The following SPATA13 variants were observed in gnomAD, a reference collection of about 807,000 sequenced individuals.
SPATA13 encodes spermatogenesis associated 13, also known as spermatogenesis-associated protein 13.
SPATA13 carries 50 observed loss-of-function variants against 104.0 expected under a neutral mutation model. The ratio of observed to expected loss-of-function variants is 0.48; its 90% CI spans 0.38 to 0.61. The LOEUF (loss-of-function observed/expected upper bound fraction) is 0.61. Ranked by LOEUF, SPATA13 falls within the 20% of genes least tolerant of loss-of-function variation. The probability of loss-of-function intolerance (pLI) is 0.00; values close to 1 mark genes in which losing one functional copy is unlikely to be tolerated. For synonymous variants in SPATA13, 606 were observed against 667.5 expected (o/e 0.91, Z 1.42); for missense variants, 1,524 against 1,690.6 (o/e 0.90, Z 1.73).
intron 3 of SPATA13, among the ~76,000 whole-genome samples, chr13:24,113,868 CAAAAA>C (rs958434459): frequency 8.9e-5 from 5 of 56,192 alleles, no homozygotes; most frequent in Non-Finnish European, 1.4e-4. Flanking sequence ...GACTCGATCT[CAAAAA>C]AAAAAAAAAA....
At chr13:24,043,797 A>G (rs755607384) in intron 3 of SPATA13, among the ~76,000 whole-genome samples, 1 of 152,190 alleles carries the variant, frequency 6.6e-6, no homozygotes, top group Non-Finnish European at 1.5e-5. Flanking sequence ...TTCATCACAC[A>G]CTGAGATTTT....
chr13:24,265,891 A>G (rs1874276369), intron 4 of SPATA13, among the ~76,000 whole-genome samples: 1 of 152,154 alleles, frequency 6.6e-6, no homozygotes, highest in African/African-American at 2.4e-5. Flanking sequence ...ACAACAGGGA[A>G]GCTGCAGCAG....
At chr13:24,133,339 G>A (rs1198808852) in intron 3 of SPATA13, among the ~76,000 whole-genome samples, 1 of 152,252 alleles carries the variant, frequency 6.6e-6, no homozygotes, top group East Asian at 1.9e-4. Flanking sequence ...TGGAAATAGT[G>A]GCTCCTGGGA....
chr13:24,284,151 T>A lies in SPATA13; in HGVS notation c.2181T>A (p.Gly727=). 6.2e-7 allele frequency: 1 copy of A among 1,613,288 alleles called. No individual in the cohort carries two copies. Among genetic ancestry groups the A allele is most frequent in the Non-Finnish European group, 8.5e-7 (1 of 1,179,494 alleles). The change falls in exon 5 of 13, where the codon GGT becomes GGA. Residue 727 remains glycine (G), a synonymous_variant. Coordinates refer to ENST00000382108, the MANE Select transcript of SPATA13 (RefSeq NM_001166271.3). The part of the protein sequence containing the change: ...MRASNVSSDG[G]TEPSALVDDN... Reference sequence around the variant, plus strand: ...ATGTTTTAGTTTCTTCAGATGGAGGTACTGAGCCCTCTGCCTTAGTGGATG... The same window carrying A: ...ATGTTTTAGTTTCTTCAGATGGAGGAACTGAGCCCTCTGCCTTAGTGGATG...
chr13:24,208,576 T>TG (rs3067259), intron 1 of SPATA13, among the ~76,000 whole-genome samples: 14 of 150,550 alleles, frequency 9.3e-5, no homozygotes, highest in Admixed American at 2.6e-4. Flanking sequence ...AGAAGACTGG[T>TG]GGGGACTTTC....
At chr13:24,185,893 G>T (rs532078276) in intron 1 of SPATA13, among the ~76,000 whole-genome samples, 1 of 152,084 alleles carries the variant, frequency 6.6e-6, no homozygotes, top group Non-Finnish European at 1.5e-5. Context: ...AGCAGGGTAG[G>T]TCAGTAGGCT....
At chr13:24,247,096 G>T (rs1009971443) in intron 2 of SPATA13, among the ~76,000 whole-genome samples, 3 of 152,152 alleles carry the variant, frequency 2.0e-5, no homozygotes, top group African/African-American at 7.2e-5. Flanking sequence ...CTTTTGAGAG[G>T]CTCTGCTTTT....
intron 1 of SPATA13, among the ~76,000 whole-genome samples, chr13:24,198,241 C>T (rs183770563): frequency 2.4e-4 from 37 of 152,272 alleles, no homozygotes; most frequent in African/African-American, 8.7e-4. Flanking sequence ...GATCTGCCCC[C>T]CTTGGCCTCC....
intron 4 of SPATA13, among the ~76,000 whole-genome samples, chr13:24,274,076 C>T (rs376992101): frequency 4.6e-5 from 7 of 152,096 alleles, no homozygotes; most frequent in African/African-American, 1.7e-4. Flanking sequence ...TCAGCGTGGA[C>T]GGATGGAAGG....
chr13:24,282,853 A>C (rs1566191094), intron 4 of SPATA13, among the ~76,000 whole-genome samples: 3 of 152,252 alleles, frequency 2.0e-5, no homozygotes, highest in African/African-American at 7.2e-5. Flanking sequence ...CACTTGATTT[A>C]GGTCCCATGC....
chr13:24,219,501 G>C (rs1245198679), intron 1 of SPATA13, among the ~76,000 whole-genome samples: 1 of 152,186 alleles, frequency 6.6e-6, no homozygotes, highest in Non-Finnish European at 1.5e-5. Context: ...TTCTTACCTT[G>C]GTACGGATTA....
chr13:24,306,569 T>C lies in SPATA13; in HGVS notation c.*3796T>C, dbSNP rs1877588388. On this transcript the variant is annotated 3_prime_UTR_variant, in exon 13 of 13. Coordinates refer to ENST00000382108, the MANE Select transcript of SPATA13 (RefSeq NM_001166271.3). The stretch of plus-strand genomic sequence containing the variant: ...TTGTTCTATTAAAGTCTCATTGTTT[T>C]CAGGATGCAATGAAAGTGGATTTCA... The C allele has an allele frequency of 6.6e-6, 1 of 152,204 alleles. No individual in the cohort carries two copies. Among genetic ancestry groups the C allele is most frequent in the South Asian group, 2.1e-4 (1 of 4,836 alleles). 9.4% of individuals were successfully genotyped at this position (152,204 alleles called of 1,614,324 possible). A position where few individuals can be genotyped will look rare whatever the true frequency, so the allele number is the denominator to read the frequency against.
At chr13:24,041,518 G>C (rs968227524) in intron 3 of SPATA13, among the ~76,000 whole-genome samples, 1 of 152,234 alleles carries the variant, frequency 6.6e-6, no homozygotes, top group Admixed American at 6.5e-5. Flanking sequence ...GTCAGTATCA[G>C]TTTTATCAAA....
intron 2 of SPATA13, among the ~76,000 whole-genome samples, chr13:24,233,019 C>T (rs1011202487): frequency 2.0e-5 from 3 of 151,992 alleles, no homozygotes; most frequent in African/African-American, 7.3e-5. Context: ...GGTATATGCC[C>T]CATGTTTAGT....
chr13:23,983,810 T>C, exon 2 of SPATA13: 1 of 894,272 alleles, frequency 1.1e-6, no homozygotes, highest in South Asian at 5.1e-5. Flanking sequence ...TCTGCATTTT[T>C]TGAGCTGCAG....
chr13:24,042,687 A>G (rs1877979350), intron 3 of SPATA13, among the ~76,000 whole-genome samples: 1 of 152,234 alleles, frequency 6.6e-6, no homozygotes, highest in African/African-American at 2.4e-5. Flanking sequence ...CTCAAAATGC[A>G]TTGTGCATGC....
chr13:24,055,362 C>T (rs750772466), intron 3 of SPATA13, among the ~76,000 whole-genome samples: 25 of 152,174 alleles, frequency 1.6e-4, no homozygotes, highest in Non-Finnish European at 2.8e-4. Flanking sequence ...GTTCAAATCT[C>T]GACCTTGTCC....
intron 2 of SPATA13, among the ~76,000 whole-genome samples, chr13:24,010,466 T>G (rs1394716494): frequency 6.6e-6 from 1 of 151,846 alleles, no homozygotes; most frequent in African/African-American, 2.4e-5. Flanking sequence ...AGCTTTTTTT[T>G]TTTTTTTTCA....
intron 10 of SPATA13, among the ~76,000 whole-genome samples, chr13:24,297,024 G>GT (rs753530929): frequency 2.0e-5 from 3 of 151,680 alleles, no homozygotes; most frequent in Admixed American, 1.3e-4. Flanking sequence ...TGTTGTTGTT[G>GT]TTGTTTGTTT....
Sources: gnomAD v4.1 joint callset for allele counts (sites outside exome capture counted in the v4.1 genomes callset) on GRCh38, gnomAD v4.1.1 for gene constraint, MANE v1.5 for transcripts, NCBI Gene and HGNC (gene_info 2026-07-23, HGNC 2026-07-21) for gene names.